COL27A1: variants seen among roughly 807,000 people sequenced by gnomAD.
The protein encoded by COL27A1 is collagen alpha-1(XXVII) chain.
Under a neutral mutation model 251.3 loss-of-function variants are expected in COL27A1, and 106 were observed. The ratio of observed to expected loss-of-function variants is 0.42; its 90% CI spans 0.36 to 0.50. The LOEUF is 0.50. Ranked by LOEUF, COL27A1 falls within the 20% of genes least tolerant of loss-of-function variation. The pLI, the probability that COL27A1 is intolerant of heterozygous loss-of-function variation, is 0.00. For synonymous variants in COL27A1, 1,000 were observed against 986.3 expected (o/e 1.01, Z -0.26); for missense variants, 2,325 against 2,522.8 (o/e 0.92, Z 1.68).
chr9:114,223,832 T>A (rs1213946584), intron 14 of COL27A1, among the ~76,000 whole-genome samples: 1 of 152,192 alleles, frequency 6.6e-6, no homozygotes, highest in Non-Finnish European at 1.5e-5. Context: ...TGTAGATAAA[T>A]TAATATGTGA....
Position 114,215,950 on chromosome 9 carries a change from T to C in COL27A1, c.2368-3841T>C, listed in dbSNP as rs1830684493. On this transcript the variant is annotated intron_variant, in intron 12 of 60. Coordinates refer to ENST00000356083, the MANE Select transcript of COL27A1 (RefSeq NM_032888.4). ...CATGAGGGGGACTTTGGATTCTAGA[T>C]GTTTCTTGCTTCTCTGCCCCTGTAT... 2.0e-5 allele frequency among the ~76,000 whole-genome samples: 3 copies of C among 152,164 alleles called. No homozygotes were observed. In the South Asian group the frequency reaches 6.2e-4, roughly 32 times the overall value.
chr9:114,155,289 G>T (rs1848051786), upstream of COL27A1, among the ~76,000 whole-genome samples: 1 of 152,034 alleles, frequency 6.6e-6, no homozygotes, highest in Non-Finnish European at 1.5e-5. This position sits in a 1 kb window ranked among gnomAD's most constrained non-coding sequence, Gnocchi z 5.5. Flanking sequence ...TCTCAGAACG[G>T]TGATCAAATC....
chr9:114,267,849 C>G (rs1189378184), intron 34 of COL27A1, among the ~76,000 whole-genome samples: 1 of 152,194 alleles, frequency 6.6e-6, no homozygotes, highest in Admixed American at 6.5e-5. Flanking sequence ...CAGTGCCCTT[C>G]ATTACCTGCT....
chr9:114,270,697 TCTC>T (rs1214315626), intron 35 of COL27A1, 28 bp from the exon 36 acceptor site: 11 of 1,578,788 alleles, frequency 7.0e-6, no homozygotes, highest in African/African-American at 1.4e-5. Flanking sequence ...CCCAGTAACA[TCTC>T]CTCCTCTTTC....
intron 56 of COL27A1, 143 bp from the exon 57 acceptor site, chr9:114,304,465 A>G: frequency 1.4e-6 from 1 of 701,616 alleles, no homozygotes; most frequent in African/African-American, 1.7e-5. Flanking sequence ...ACTGTCTGCA[A>G]AGAGAGGAAG....
At chr9:114,302,056 G>C in intron 55 of COL27A1, 26 bp from the exon 56 acceptor site, 1 of 1,607,718 alleles carries the variant, frequency 6.2e-7, no homozygotes, top group Non-Finnish European at 8.5e-7. Flanking sequence ...CCTGTCATTT[G>C]ACTGACCCGC....
At position 114,250,492 on chromosome 9, in the gene COL27A1, T is replaced by G; in HGVS notation, c.2980-123T>G. 8 of 841,468 alleles carry G rather than the reference T, an allele frequency of 9.5e-6. No individual in the cohort carries two copies. The South Asian group carries it at 1.2e-4, about 13-fold the overall frequency. 52.1% of individuals were successfully genotyped at this position (841,468 alleles called of 1,614,324 possible). A position where few individuals can be genotyped will look rare whatever the true frequency, so the allele number is the denominator to read the frequency against. ...CAGCGCTCTCCCCGGCACAACCCCA[T>G]GCTGGCTGGGTGACCAGGCACGGGT... On this transcript the variant is annotated intron_variant, in intron 24 of 60. Transcript: ENST00000356083.
chr9:114,166,398 C>CCATCCGTCCATCCAT (rs1347413059), intron 2 of COL27A1, among the ~76,000 whole-genome samples: 26,263 of 144,490 alleles, frequency 0.18, 2,943 homozygotes, highest in Middle Eastern at 0.34. Context: ...CATCCATCCA[C>CCATCCGTCCATCCAT]CCACCCACCT....
intron 24 of COL27A1, among the ~76,000 whole-genome samples, chr9:114,247,860 T>C (rs541017502): frequency 6.6e-6 from 1 of 152,338 alleles, no homozygotes; most frequent in South Asian, 2.1e-4. Flanking sequence ...GTAATCATAG[T>C]ACTGGGTCGG....
chr9:114,209,836 G>A, intron 11 of COL27A1, 108 bp downstream of exon 11: 1 of 1,073,178 alleles, frequency 9.3e-7, no homozygotes. Flanking sequence ...TCCTGGAGGA[G>A]GTGCACTTGA....
chr9:114,192,566 C>G (rs1270741395), intron 5 of COL27A1, among the ~76,000 whole-genome samples: 3 of 152,146 alleles, frequency 2.0e-5, no homozygotes, highest in Non-Finnish European at 2.9e-5. Flanking sequence ...GAGAAGCACC[C>G]AGGCCTCCCA....
At chr9:114,276,473 C>T (rs1377867682) in intron 37 of COL27A1, among the ~76,000 whole-genome samples, 2 of 152,176 alleles carry the variant, frequency 1.3e-5, no homozygotes, top group South Asian at 2.1e-4. Context: ...GGCATGGTGG[C>T]GCATGCCTAT....
intron 12 of COL27A1, among the ~76,000 whole-genome samples, chr9:114,212,000 C>G (rs896778284): frequency 1.3e-5 from 2 of 152,204 alleles, no homozygotes; most frequent in Non-Finnish European, 2.9e-5. Context: ...CGAGAGTGCT[C>G]AGAGGGGCCT....
chr9:114,305,698 G>C (rs1186139048), intron 57 of COL27A1, among the ~76,000 whole-genome samples: 1 of 152,176 alleles, frequency 6.6e-6, no homozygotes, highest in African/African-American at 2.4e-5. Flanking sequence ...GTAGAGAATT[G>C]TGCAGGAGGG....
At chr9:114,245,487 G>A (rs374922820) in intron 23 of COL27A1, among the ~76,000 whole-genome samples, 2 of 152,190 alleles carry the variant, frequency 1.3e-5, no homozygotes, top group African/African-American at 2.4e-5. Flanking sequence ...GGCAGACCAA[G>A]GTTTCGGTTC....
intron 7 of COL27A1, among the ~76,000 whole-genome samples, chr9:114,197,418 T>A (rs2135258141): frequency 6.6e-6 from 1 of 152,278 alleles, no homozygotes; most frequent in East Asian, 1.9e-4. Context: ...GGAAACATGG[T>A]CCTTTCTGGC....
chr9:114,294,270 G>C (rs202050264), intron 49 of COL27A1, among the ~76,000 whole-genome samples: 1 of 115,952 alleles, frequency 8.6e-6, no homozygotes, highest in Admixed American at 8.6e-5. Flanking sequence ...AAAAAAAAAA[G>C]AAGGAATACC....
Position 114,240,245 on chromosome 9 carries a change from C to T in COL27A1, c.2753C>T (p.Pro918Leu), listed in dbSNP as rs923761760. 1 of 1,607,908 alleles carries T rather than the reference C, an allele frequency of 6.2e-7. No homozygotes were observed. The highest frequency in any genetic ancestry group is 8.5e-7 in the Non-Finnish European group (1 of 1,176,814). Residue 918 changes from proline to leucine, a missense_variant, in exon 20 of 61, where the codon CCT (proline) becomes CTT (leucine). Coordinates refer to ENST00000356083, the MANE Select transcript of COL27A1 (RefSeq NM_032888.4). ...GGATTCCCAGGAGACATCGGCCCCC[C>T]TGGCGACAATGGCCCAGAAGGCATG... ...PEGFPGDIGP[P>L]GDNGPEGMKG...
intron 14 of COL27A1, 60 bp downstream of exon 14, chr9:114,222,327 G>C (rs963406433): frequency 8.3e-5 from 125 of 1,504,174 alleles, no homozygotes; most frequent in Non-Finnish European, 1.1e-4. Context: ...GGTGGAGCCA[G>C]CGTGTGGGGA....
Sources: gnomAD v4.1 joint callset for allele counts (sites outside exome capture counted in the v4.1 genomes callset) on GRCh38, gnomAD v4.1.1 for gene constraint, Gnocchi (gnomAD v3.1) non-coding constraint, MANE v1.5 for transcripts, NCBI Gene and HGNC (gene_info 2026-07-23, HGNC 2026-07-21) for gene names.